The following ALK variants were observed in gnomAD, a reference collection of about 807,000 sequenced individuals.
The protein encoded by ALK is ALK receptor tyrosine kinase, also known as ALK tyrosine kinase receptor.
ALK carries 74 observed loss-of-function variants against 163.1 expected under a neutral mutation model. That is an observed-to-expected ratio of 0.45 (90% CI 0.38 to 0.55). The LOEUF is 0.55. Ranked by LOEUF, ALK falls within the 20% of genes least tolerant of loss-of-function variation. The pLI, the probability that ALK is intolerant of heterozygous loss-of-function variation, is 0.00. For synonymous variants in ALK, 960 were observed against 843.2 expected (o/e 1.14, Z -2.40); for missense variants, 2,063 against 2,105.3 (o/e 0.98, Z 0.39).
At chr2:29,391,305 T>TGGG (rs71754470) in intron 4 of ALK, among the ~76,000 whole-genome samples, 134 of 126,500 alleles carry the variant, frequency 1.1e-3, no homozygotes, top group Middle Eastern at 4.5e-3. Context: ...CTCTTTTTTT[T>TGGG]GGGGGGGGGG....
rs1558608571 is a variant in ALK at position 29,200,740 on chromosome 2, C to CGTATGTATATACGTATATAT, written c.3939-3065_3939-3064insATATATACGTATATACATAC. On this transcript the variant is annotated intron_variant, in intron 26 of 28. Coordinates refer to ENST00000389048, the MANE Select transcript of ALK (RefSeq NM_004304.5). ...ACATACGTATATATGTATATATATA[C>CGTATGTATATACGTATATAT]GTATATATATACGTATATATGTATA... Among the ~76,000 whole-genome samples the CGTATGTATATACGTATATAT allele has an allele frequency of 2.6e-4, 34 of 131,310 alleles. 1 individual carries two copies. Among genetic ancestry groups the CGTATGTATATACGTATATAT allele is most frequent in the South Asian group, 4.7e-4 (2 of 4,280 alleles). The allele number at this position is 131,310 out of a possible 152,430, so 86.1% of individuals were successfully genotyped here. A position where few individuals can be genotyped will look rare whatever the true frequency, so the allele number is the denominator to read the frequency against.
At chr2:29,489,975 C>A (rs558544196) in intron 4 of ALK, among the ~76,000 whole-genome samples, 1 of 152,196 alleles carries the variant, frequency 6.6e-6, no homozygotes, top group African/African-American at 2.4e-5. Context: ...ACATGCTGGC[C>A]GGGACTCCAA....
intron 1 of ALK, among the ~76,000 whole-genome samples, chr2:29,757,138 G>A (rs996089586): frequency 2.0e-5 from 3 of 152,212 alleles, no homozygotes; most frequent in Admixed American, 2.0e-4. Flanking sequence ...GGTGCCATGG[G>A]TGCAAAGCCT....
intron 9 of ALK, among the ~76,000 whole-genome samples, chr2:29,295,925 T>C (rs889862319): frequency 2.0e-5 from 3 of 152,148 alleles, no homozygotes; most frequent in African/African-American, 7.2e-5. Flanking sequence ...CTCGCCCCTC[T>C]TTTGTCTGGA....
chr2:29,711,199 G>A (rs941177066), intron 2 of ALK, among the ~76,000 whole-genome samples: 1 of 152,048 alleles, frequency 6.6e-6, no homozygotes, highest in Non-Finnish European at 1.5e-5. Context: ...CAGAGTAACT[G>A]TCTCTCCAGC....
intron 4 of ALK, among the ~76,000 whole-genome samples, chr2:29,427,598 G>T (rs1670175704): frequency 6.6e-6 from 1 of 151,700 alleles, no homozygotes; most frequent in African/African-American, 2.4e-5. Flanking sequence ...TACTCTAGAA[G>T]ATATTCACTT....
chr2:29,278,652 T>C (rs1665606183), intron 9 of ALK, among the ~76,000 whole-genome samples: 1 of 152,180 alleles, frequency 6.6e-6, no homozygotes. Context: ...GCCCTAATAC[T>C]GCTGTCTTGT....
intron 6 of ALK, 140 bp downstream of exon 6, chr2:29,328,210 T>G: frequency 8.3e-7 from 1 of 1,208,358 alleles, no homozygotes; most frequent in South Asian, 1.3e-5. Flanking sequence ...GAAGACTGTG[T>G]GGCTTTGCCA....
chr2:29,279,269 C>T (rs531616988), intron 9 of ALK, among the ~76,000 whole-genome samples: 2 of 152,190 alleles, frequency 1.3e-5, no homozygotes, highest in African/African-American at 2.4e-5. Context: ...GTCAGGAACA[C>T]GCACAACCAT....
chr2:29,441,119 C>A (rs1375264098), intron 4 of ALK, among the ~76,000 whole-genome samples: 1 of 152,242 alleles, frequency 6.6e-6, no homozygotes, highest in Non-Finnish European at 1.5e-5. Flanking sequence ...AGAGGTAGTG[C>A]TGGCACGCCC....
At chr2:29,303,592 C>T (rs1666427417) in intron 8 of ALK, among the ~76,000 whole-genome samples, 1 of 152,186 alleles carries the variant, frequency 6.6e-6, no homozygotes, top group Admixed American at 6.5e-5. Context: ...CACATGTTTA[C>T]CGCAGCACGA....
chr2:29,458,848 C>T (rs972735494), intron 4 of ALK, among the ~76,000 whole-genome samples: 3 of 152,150 alleles, frequency 2.0e-5, no homozygotes, highest in African/African-American at 7.2e-5. Context: ...AGTCAGCAAC[C>T]TGCCCTTTTG....
chr2:29,755,411 G>A (rs896367311), intron 1 of ALK, among the ~76,000 whole-genome samples: 6 of 152,206 alleles, frequency 3.9e-5, no homozygotes, highest in East Asian at 1.9e-4. Context: ...GGAACCTTGC[G>A]GTTTTAGGGG....
chr2:29,367,273 A>C (rs1351356163), intron 5 of ALK, among the ~76,000 whole-genome samples: 1 of 152,154 alleles, frequency 6.6e-6, no homozygotes, highest in Non-Finnish European at 1.5e-5. Context: ...AAACACAGAG[A>C]CTTTAAAGTC....
intron 1 of ALK, among the ~76,000 whole-genome samples, chr2:29,885,720 A>G (rs2148421219): frequency 1.3e-5 from 2 of 152,320 alleles, no homozygotes; most frequent in South Asian, 4.1e-4. Flanking sequence ...GAAGACACAG[A>G]AGAAGCAGTT....
chr2:29,506,740 C>T (rs907140779), intron 4 of ALK, among the ~76,000 whole-genome samples: 15 of 139,702 alleles, frequency 1.1e-4, no homozygotes, highest in East Asian at 2.0e-4. Flanking sequence ...AGCAAGACTC[C>T]GTCTCAAAAA....
chr2:29,650,272 C>T (rs1460996077), intron 3 of ALK, among the ~76,000 whole-genome samples: 1 of 152,166 alleles, frequency 6.6e-6, no homozygotes, highest in African/African-American at 2.4e-5. Flanking sequence ...TGACCAGACC[C>T]CATCCTGAAG....
chr2:29,203,417 C>G (rs1047967356), intron 26 of ALK, among the ~76,000 whole-genome samples: 1 of 103,444 alleles, frequency 9.7e-6, no homozygotes, highest in Non-Finnish European at 1.7e-5. Context: ...TTATTTTTTA[C>G]TATTAATTTT....
At chr2:29,693,106 G>A (rs1227796381) in intron 3 of ALK, among the ~76,000 whole-genome samples, 4 of 152,042 alleles carry the variant, frequency 2.6e-5, no homozygotes, top group African/African-American at 9.7e-5. Flanking sequence ...TGGAGGGTGG[G>A]GAAAAGTTTG....
Sources: gnomAD v4.1 joint callset for allele counts (sites outside exome capture counted in the v4.1 genomes callset) on GRCh38, gnomAD v4.1.1 for gene constraint, MANE v1.5 for transcripts, NCBI Gene and HGNC (gene_info 2026-07-23, HGNC 2026-07-21) for gene names.